The following QRICH1 variants were observed in gnomAD, a reference collection of about 807,000 sequenced individuals.
QRICH1 encodes the protein glutamine rich 1.
In QRICH1, 16 loss-of-function variants were observed where a neutral mutation model predicts 87.1. The observed-to-expected ratio is 0.18, with a 90% CI of 0.12 to 0.28. QRICH1 has a LOEUF of 0.28. Ranked by LOEUF, QRICH1 falls within the 10% of genes least tolerant of loss-of-function variation. The pLI, the probability that QRICH1 is intolerant of heterozygous loss-of-function variation, is 1.00. For missense variants in QRICH1, 647 were observed against 951.7 expected, an observed-to-expected ratio of 0.68 and a Z score of 4.21; for synonymous variants, 367 against 368.4, an observed-to-expected ratio of 1.00 and a Z score of 0.05.
At chr3:49,032,359 C>T (rs529886754) in intron 8 of QRICH1, 86 bp from the exon 9 acceptor site, 4 of 1,007,650 alleles carry the variant, frequency 4.0e-6, no homozygotes, top group African/African-American at 1.6e-5. Flanking sequence ...GGCTTTCAGC[C>T]AGCCCAACTA....
intron 9 of QRICH1, among the ~76,000 whole-genome samples, 181 bp from the exon 10 acceptor site, chr3:49,030,825 C>A (rs1309278972): frequency 2.0e-5 from 3 of 152,066 alleles, no homozygotes; most frequent in Non-Finnish European, 4.4e-5. Context: ...TACTGCAAAT[C>A]CCCCAAATGT....
chr3:49,075,877 G>A (rs900053412), intron 2 of QRICH1, among the ~76,000 whole-genome samples: 1 of 152,058 alleles, frequency 6.6e-6, no homozygotes, highest in African/African-American at 2.4e-5. Context: ...GGGGGACAGA[G>A]GCAAGAATGC....
At chr3:49,037,342 G>T (rs943628273) in intron 6 of QRICH1, among the ~76,000 whole-genome samples, 3 of 152,204 alleles carry the variant, frequency 2.0e-5, no homozygotes, top group Non-Finnish European at 4.4e-5. Flanking sequence ...ACTACAGAGT[G>T]CAATCAGCAA....
At chr3:49,047,356 T>C (rs749762232) in intron 3 of QRICH1, 110 bp from the exon 4 acceptor site, 188 of 1,067,626 alleles carry the variant, frequency 1.8e-4, no homozygotes, top group Middle Eastern at 1.6e-3. Context: ...AAAATATTTC[T>C]CTACTCATTG....
intron 6 of QRICH1, among the ~76,000 whole-genome samples, chr3:49,043,105 G>A (rs914059186): frequency 2.0e-5 from 3 of 152,144 alleles, no homozygotes; most frequent in African/African-American, 7.2e-5. Context: ...GTTATTGATA[G>A]GAGAAACTGT....
chr3:49,050,680 C>G (rs956831575), intron 3 of QRICH1, among the ~76,000 whole-genome samples: 2 of 128,700 alleles, frequency 1.6e-5, no homozygotes, highest in East Asian at 4.7e-4. Flanking sequence ...ACTGACTAAT[C>G]CAAGGATCAC....
At chr3:49,061,661 T>A (rs2093435715) in intron 2 of QRICH1, among the ~76,000 whole-genome samples, 1 of 151,996 alleles carries the variant, frequency 6.6e-6, no homozygotes, top group Non-Finnish European at 1.5e-5. Context: ...GAGACCAGCC[T>A]GACCGACATG....
chr3:49,039,594 C>A (rs1287814268), intron 6 of QRICH1, among the ~76,000 whole-genome samples: 1 of 121,148 alleles, frequency 8.3e-6, no homozygotes, highest in Non-Finnish European at 1.6e-5. Flanking sequence ...GCACTCCAGC[C>A]TAGGCAACAC....
intron 3 of QRICH1, among the ~76,000 whole-genome samples, chr3:49,048,737 G>A (rs1357337130): frequency 6.1e-5 from 8 of 131,626 alleles, no homozygotes; most frequent in Admixed American, 1.7e-4. Context: ...GCAGTGAGCC[G>A]AGATCGCACC....
chr3:49,040,072 A>G (rs1231722498), intron 6 of QRICH1, among the ~76,000 whole-genome samples: 1 of 152,224 alleles, frequency 6.6e-6, no homozygotes, highest in Non-Finnish European at 1.5e-5. Flanking sequence ...AAAGCCAAAA[A>G]ACAGCAACAA....
At chr3:49,090,339 G>A (rs1205981414) in intron 1 of QRICH1, among the ~76,000 whole-genome samples, 1 of 152,126 alleles carries the variant, frequency 6.6e-6, no homozygotes, top group African/African-American at 2.4e-5. Flanking sequence ...GGCACCTGCA[G>A]TCCCAGCTAC....
rs548989322 is a variant in QRICH1 at position 49,047,397 on chromosome 3, T to C, written c.1339-151A>G. ...CTACTTTTAAGAAGCTTTGGAGTTC[T>C]ACCTCTTGCCCCAGGGACAGCAAAA... On this transcript the variant is annotated intron_variant, in intron 3 of 9. Transcript: ENST00000395443. 270 of 757,564 alleles carry C rather than the reference T, an allele frequency of 3.6e-4. No individual in the cohort carries two copies. In the African/African-American group the frequency reaches 3.9e-3, roughly 11 times the overall value. 46.9% of individuals were successfully genotyped at this position (757,564 alleles called of 1,614,324 possible).
At chr3:49,046,323 C>A in intron 5 of QRICH1, 102 bp downstream of exon 5, 3 of 1,214,422 alleles carry the variant, frequency 2.5e-6, no homozygotes, top group South Asian at 1.6e-5. Flanking sequence ...TGAAAGAGAA[C>A]TTCCTTATTT....
chr3:49,080,580 G>T (rs9826085), intron 1 of QRICH1, among the ~76,000 whole-genome samples: 3,577 of 152,010 alleles, frequency 0.024, 160 homozygotes, highest in African/African-American at 0.081. Context: ...CTATTGCCCA[G>T]TAAAGCCAGT....
intron 2 of QRICH1, among the ~76,000 whole-genome samples, chr3:49,068,589 C>A (rs181686792): frequency 1.3e-5 from 2 of 151,620 alleles, no homozygotes; most frequent in African/African-American, 2.4e-5. Flanking sequence ...CATGCCACTG[C>A]ACTCCAGCAT....
intron 1 of QRICH1, among the ~76,000 whole-genome samples, chr3:49,082,799 G>A (rs933109505): frequency 1.3e-5 from 2 of 151,554 alleles, no homozygotes; most frequent in African/African-American, 4.9e-5. Context: ...GGAGGCTGAG[G>A]CAGGAGACTG....
chr3:49,077,690 GAA>G (rs2041977010), intron 1 of QRICH1, among the ~76,000 whole-genome samples: 1 of 152,140 alleles, frequency 6.6e-6, no homozygotes, highest in African/African-American at 2.4e-5. Context: ...TGTAACTCTA[GAA>G]AAGTCAATTA....
intron 2 of QRICH1, among the ~76,000 whole-genome samples, chr3:49,066,073 T>A (rs994441860): frequency 3.9e-5 from 6 of 152,056 alleles, no homozygotes; most frequent in African/African-American, 7.2e-5. Context: ...CTGCTTGAGC[T>A]CAGGAGTTCG....
chr3:49,079,493 A>G (rs1320256513), intron 1 of QRICH1, among the ~76,000 whole-genome samples: 1 of 147,952 alleles, frequency 6.8e-6, no homozygotes, highest in Non-Finnish European at 1.5e-5. Flanking sequence ...AAAATATTAT[A>G]ATTATAATAA....
Sources: allele counts gnomAD v4.1 joint callset (sites outside exome capture counted in the v4.1 genomes callset), GRCh38; gene constraint gnomAD v4.1.1; transcripts MANE v1.5; gene names NCBI Gene and HGNC (gene_info 2026-07-23, HGNC 2026-07-21).